The following BPNT1 variants were observed in gnomAD, a reference collection of about 807,000 sequenced individuals.
The protein encoded by BPNT1 is 3'(2'),5'-bisphosphate nucleotidase 1.
Under a neutral mutation model 36.9 loss-of-function variants are expected in BPNT1, and 28 were observed. That is an observed-to-expected ratio of 0.76 (90% CI 0.56 to 1.04). The LOEUF is 1.04. Ranked by LOEUF, BPNT1 falls within the 50% of genes least tolerant of loss-of-function variation. The probability of loss-of-function intolerance (pLI) is 0.00; values close to 1 mark genes in which losing one functional copy is unlikely to be tolerated. For missense variants in BPNT1, 313 were observed against 372.9 expected, an observed-to-expected ratio of 0.84 and a Z score of 1.32; for synonymous variants, 119 against 130.9, an observed-to-expected ratio of 0.91 and a Z score of 0.62.
rs1475249402 is a variant in BPNT1 at position 220,058,206 on chromosome 1, G to A, written c.*638C>T. 2 of 998,038 alleles carry A rather than the reference G, an allele frequency of 2.0e-6. No individual in the cohort carries two copies. The highest frequency in any genetic ancestry group is 3.5e-5 in the African/African-American group (2 of 57,670). The allele number at this position is 998,038 out of a possible 1,614,324, so 61.8% of individuals were successfully genotyped here. On this transcript the variant is annotated 3_prime_UTR_variant, in exon 9 of 9. Coordinates refer to ENST00000322067, the MANE Select transcript of BPNT1 (RefSeq NM_006085.6). ...AAAAAAAGAGAAATCTGGTTTAGAAGATAGGAATGTTCATTGAACATTGAC... is the reference window on the plus strand; with the variant it reads ...AAAAAAAGAGAAATCTGGTTTAGAAAATAGGAATGTTCATTGAACATTGAC...
At chr1:220,074,466 A>G (rs1429056517) in intron 2 of BPNT1, among the ~76,000 whole-genome samples, 1 of 151,996 alleles carries the variant, frequency 6.6e-6, no homozygotes, top group Admixed American at 6.6e-5. Context: ...ACAGGTCCTC[A>G]AGTTGATTCA....
intron 1 of BPNT1, among the ~76,000 whole-genome samples, chr1:220,082,433 G>A (rs1655267231): frequency 6.6e-6 from 1 of 151,412 alleles, no homozygotes; most frequent in Non-Finnish European, 1.5e-5. Flanking sequence ...CACCCACCTT[G>A]GCCTCCCAAA....
chr1:220,069,122 AAT>A (rs1413089471), intron 5 of BPNT1, among the ~76,000 whole-genome samples: 1 of 152,156 alleles, frequency 6.6e-6, no homozygotes, highest in African/African-American at 2.4e-5. Context: ...ACACTGGTTT[AAT>A]ATGTTATTCT....
intron 2 of BPNT1, among the ~76,000 whole-genome samples, chr1:220,076,693 A>C (rs969209533): frequency 7.0e-6 from 1 of 142,040 alleles, no homozygotes; most frequent in African/African-American, 2.6e-5. Context: ...CTTAAAAAAA[A>C]AAATAAATTA....
At chr1:220,086,120 T>C (rs1361729784) in intron 1 of BPNT1, among the ~76,000 whole-genome samples, 1 of 152,162 alleles carries the variant, frequency 6.6e-6, no homozygotes, top group Non-Finnish European at 1.5e-5. Flanking sequence ...TAAAATATGA[T>C]TTAATCAACA....
intron 6 of BPNT1, among the ~76,000 whole-genome samples, chr1:220,065,508 A>C (rs75078640): frequency 0.028 from 4,310 of 152,308 alleles, 87 homozygotes; most frequent in Middle Eastern, 0.041. Flanking sequence ...GTTGGAAGCA[A>C]TAATAAAGTT....
intron 1 of BPNT1, among the ~76,000 whole-genome samples, chr1:220,087,919 C>T (rs1044181037): frequency 5.3e-5 from 8 of 151,498 alleles, no homozygotes; most frequent in African/African-American, 1.7e-4. Context: ...CTCTTGTTGC[C>T]CAGGCTGGAG....
chr1:220,072,494 T>C (rs922029027), intron 4 of BPNT1, among the ~76,000 whole-genome samples: 5 of 152,180 alleles, frequency 3.3e-5, no homozygotes, highest in Admixed American at 6.5e-5. Context: ...TTTGTATTTT[T>C]TGTTGAGACA....
intron 8 of BPNT1, 95 bp from the exon 9 acceptor site, chr1:220,059,087 T>C: frequency 8.3e-7 from 1 of 1,209,560 alleles, no homozygotes. Context: ...CCTTATCCAA[T>C]AGTAGCCAAT....
chr1:220,083,605 C>T (rs1655426332), intron 1 of BPNT1, among the ~76,000 whole-genome samples: 1 of 152,094 alleles, frequency 6.6e-6, no homozygotes, highest in African/African-American at 2.4e-5. Context: ...GCCACCGCGC[C>T]CGGCCAATAA....
chr1:220,067,127 TAA>T (rs998794689), intron 6 of BPNT1, 173 bp downstream of exon 6: 4 of 194,788 alleles, frequency 2.1e-5, no homozygotes, highest in African/African-American at 2.4e-5. Context: ...ATAGCATAGC[TAA>T]AAAAAAAGTT....
chr1:220,074,437 T>C (rs905297153), intron 2 of BPNT1, among the ~76,000 whole-genome samples: 19 of 152,112 alleles, frequency 1.2e-4, no homozygotes, highest in Non-Finnish European at 2.4e-4. Context: ...TCCACACTAA[T>C]CCTAATCATA....
intron 5 of BPNT1, among the ~76,000 whole-genome samples, chr1:220,068,574 G>A (rs1408190691): frequency 2.0e-5 from 3 of 151,918 alleles, no homozygotes; most frequent in Non-Finnish European, 4.4e-5. Context: ...ACTTTGGGAG[G>A]CCCAGGTGAG....
intron 8 of BPNT1, 75 bp from the exon 9 acceptor site, chr1:220,059,067 C>T: frequency 2.1e-6 from 3 of 1,455,648 alleles, no homozygotes; most frequent in Non-Finnish European, 2.8e-6. Context: ...TTTTTAAGTG[C>T]CTTTTGCTTC....
chr1:220,071,217 T>C lies in BPNT1; in HGVS notation c.333+1633A>G, dbSNP rs558568549. 2.6e-5 allele frequency among the ~76,000 whole-genome samples: 4 copies of C among 152,210 alleles called. No homozygotes were observed. In the East Asian group the frequency reaches 5.9e-4, roughly 22 times the overall value. ...ACCACAGAGCAAAGTGTCTTATTCA[T>C]AGTAAGTCTCCAATGAATATGCCTT... On this transcript the variant is annotated intron_variant, in intron 4 of 8. Coordinates refer to ENST00000322067, the MANE Select transcript of BPNT1 (RefSeq NM_006085.6).
intron 6 of BPNT1, 65 bp from the exon 7 acceptor site, chr1:220,063,019 G>T: frequency 6.6e-7 from 1 of 1,510,996 alleles, no homozygotes; most frequent in Non-Finnish European, 9.2e-7. Flanking sequence ...CCCATAAATG[G>T]AATATTCAGT....
rs904327 is a variant in BPNT1, at chr1:220,089,732, G to C, written c.-55C>G. 1 of 152,268 alleles carries C rather than the reference G, an allele frequency of 6.6e-6. No individual in the cohort carries two copies. The highest frequency in any genetic ancestry group is 1.5e-5 in the Non-Finnish European group (1 of 68,058). The allele number at this position is 152,268 out of a possible 1,614,324, so 9.4% of individuals were successfully genotyped here. On this transcript the variant is annotated 5_prime_UTR_variant, in exon 1 of 9. Coordinates refer to ENST00000322067, the MANE Select transcript of BPNT1 (RefSeq NM_006085.6). The stretch of plus-strand genomic sequence containing the variant: ...GACACTTCAGGAGGAGCAAAAGCGC[G>C]TTATCGTAGACCCAGGTCCCTCGTT...
intron 8 of BPNT1, among the ~76,000 whole-genome samples, chr1:220,059,196 A>G (rs866507178): frequency 2.0e-5 from 3 of 149,216 alleles, no homozygotes; most frequent in Middle Eastern, 6.9e-3. Flanking sequence ...AGGATATAAA[A>G]TTATTTTTTC....
At chr1:220,083,969 C>A (rs1048354811) in intron 1 of BPNT1, among the ~76,000 whole-genome samples, 28 of 152,040 alleles carry the variant, frequency 1.8e-4, no homozygotes, top group African/African-American at 6.8e-4. Context: ...ATTTTCTTGG[C>A]ATACTAGGAG....
Sources: gnomAD v4.1 joint callset for allele counts (sites outside exome capture counted in the v4.1 genomes callset) on GRCh38, gnomAD v4.1.1 for gene constraint, MANE v1.5 for transcripts, NCBI Gene and HGNC (gene_info 2026-07-23, HGNC 2026-07-21) for gene names.